The following IGF2BP2 variants were observed in gnomAD, a reference collection of about 807,000 sequenced individuals.
The protein encoded by IGF2BP2 is insulin-like growth factor 2 mRNA-binding protein 2.
Under a neutral mutation model 75.8 loss-of-function variants are expected in IGF2BP2, and 17 were observed. The observed-to-expected ratio is 0.22, with a 90% CI of 0.15 to 0.34. The LOEUF is 0.34. Ranked by LOEUF, IGF2BP2 falls within the 10% of genes least tolerant of loss-of-function variation. The probability of loss-of-function intolerance (pLI) is 1.00; values close to 1 mark genes in which losing one functional copy is unlikely to be tolerated. For missense variants in IGF2BP2, 516 were observed against 772.4 expected (o/e 0.67, Z 3.93); for synonymous variants, 288 against 295.6 (o/e 0.97, Z 0.26).
intron 12 of IGF2BP2, among the ~76,000 whole-genome samples, chr3:185,656,623 C>A (rs1432119017): frequency 6.6e-6 from 1 of 152,180 alleles, no homozygotes; most frequent in East Asian, 1.9e-4. Context: ...GCATTCTGCC[C>A]GTGAGTCAGA....
chr3:185,644,876 C>T lies in IGF2BP2; in HGVS notation c.*655G>A, dbSNP rs756577463. The T allele has an allele frequency of 1.3e-5, 2 of 152,518 alleles. No homozygotes were observed. The highest frequency in any genetic ancestry group is 2.9e-5 in the Non-Finnish European group (2 of 68,024). The allele number at this position is 152,518 out of a possible 1,614,324, so 9.4% of individuals were successfully genotyped here. A position where few individuals can be genotyped will look rare whatever the true frequency, so the allele number is the denominator to read the frequency against. Reference sequence around the variant, plus strand: ...AGAACTGCCGTGAGTGTCCTTCCGACGAGATTTCCCTCTGGGTGAATTTTG... The same window carrying T: ...AGAACTGCCGTGAGTGTCCTTCCGATGAGATTTCCCTCTGGGTGAATTTTG... On this transcript the variant is annotated 3_prime_UTR_variant, in exon 16 of 16. Coordinates refer to ENST00000382199, the MANE Select transcript of IGF2BP2 (RefSeq NM_006548.6).
rs1298111633 is a variant in IGF2BP2 at position 185,645,732 on chromosome 3, C to T, written c.1708-109G>A. On this transcript the variant is annotated intron_variant, in intron 15 of 15. Coordinates refer to ENST00000382199, the MANE Select transcript of IGF2BP2 (RefSeq NM_006548.6). This position sits in a 1 kb window ranked among gnomAD's most constrained non-coding sequence, Gnocchi z 4.9. Reference sequence around the variant, plus strand: ...GGGCTTGGGGATGAAGGGTGGAATGCTCAGACAAGCATCATCTACCCACCC... The same window carrying T: ...GGGCTTGGGGATGAAGGGTGGAATGTTCAGACAAGCATCATCTACCCACCC... The T allele has an allele frequency of 1.3e-6, 1 of 775,172 alleles. No homozygotes were observed. The highest frequency in any genetic ancestry group is 2.5e-5 in the East Asian group (1 of 39,236). The allele number at this position is 775,172 out of a possible 1,614,324, so 48.0% of individuals were successfully genotyped here. A position where few individuals can be genotyped will look rare whatever the true frequency, so the allele number is the denominator to read the frequency against.
intron 2 of IGF2BP2, among the ~76,000 whole-genome samples, chr3:185,804,910 G>A (rs945698957): frequency 2.9e-4 from 44 of 151,046 alleles, no homozygotes; most frequent in African/African-American, 7.8e-4. Context: ...GGAGAATGGC[G>A]CAAACCAGGG....
chr3:185,786,260 T>C (rs1417247998), intron 2 of IGF2BP2, among the ~76,000 whole-genome samples: 3 of 152,064 alleles, frequency 2.0e-5, no homozygotes, highest in African/African-American at 4.8e-5. Flanking sequence ...GGAGGCAACA[T>C]GGCCCCACTG....
At chr3:185,764,652 C>T (rs1336956075) in intron 2 of IGF2BP2, among the ~76,000 whole-genome samples, 1 of 152,074 alleles carries the variant, frequency 6.6e-6, no homozygotes, top group Non-Finnish European at 1.5e-5. Context: ...ACCATGATTC[C>T]CAGTGGGGAG....
chr3:185,662,295 T>A (rs1354583715), intron 10 of IGF2BP2, among the ~76,000 whole-genome samples: 1 of 151,892 alleles, frequency 6.6e-6, no homozygotes, highest in Non-Finnish European at 1.5e-5. Flanking sequence ...CTGGCCAACA[T>A]GGTGAAACCC....
intron 2 of IGF2BP2, among the ~76,000 whole-genome samples, chr3:185,794,231 G>A (rs1453750298): frequency 6.6e-6 from 1 of 151,894 alleles, no homozygotes; most frequent in African/African-American, 2.4e-5. Flanking sequence ...CTCCCAAAGT[G>A]CTAGGATTAC....
At chr3:185,812,661 C>T (rs1740058493) in intron 2 of IGF2BP2, among the ~76,000 whole-genome samples, 1 of 152,156 alleles carries the variant, frequency 6.6e-6, no homozygotes, top group African/African-American at 2.4e-5. Context: ...AAGCAGCAAA[C>T]CCCTTTTCTA....
chr3:185,809,528 C>T (rs1025252806), intron 2 of IGF2BP2, among the ~76,000 whole-genome samples: 3 of 152,002 alleles, frequency 2.0e-5, no homozygotes, highest in East Asian at 1.9e-4. Context: ...GACTCAGGAG[C>T]CTGAGGTGGG....
intron 2 of IGF2BP2, among the ~76,000 whole-genome samples, chr3:185,816,935 A>T (rs1382980820): frequency 6.6e-6 from 1 of 152,230 alleles, no homozygotes; most frequent in Non-Finnish European, 1.5e-5. Context: ...CCTTACTTTG[A>T]GACACATTAA....
intron 2 of IGF2BP2, among the ~76,000 whole-genome samples, chr3:185,786,414 G>A (rs987314970): frequency 4.6e-5 from 7 of 152,130 alleles, no homozygotes; most frequent in East Asian, 3.9e-4. Flanking sequence ...GAAAATGGCC[G>A]GTTCCTGCCT....
chr3:185,796,605 T>C (rs6444081), intron 2 of IGF2BP2, among the ~76,000 whole-genome samples: 51,549 of 132,484 alleles, frequency 0.39, 11,112 homozygotes, highest in African/African-American at 0.58. Flanking sequence ...ACAAGAACAA[T>C]TCCTGAGCTA....
intron 2 of IGF2BP2, among the ~76,000 whole-genome samples, chr3:185,818,420 A>G (rs1490286649): frequency 6.6e-6 from 1 of 152,202 alleles, no homozygotes; most frequent in Non-Finnish European, 1.5e-5. Flanking sequence ...CACTCAAGGC[A>G]AATATCACTG....
intron 2 of IGF2BP2, among the ~76,000 whole-genome samples, chr3:185,771,546 T>G (rs1343917814): frequency 6.6e-6 from 1 of 152,226 alleles, no homozygotes. Flanking sequence ...AGAAATCCAT[T>G]TTAGAAAGAC....
intron 7 of IGF2BP2, 100 bp downstream of exon 7, chr3:185,686,957 T>TA (rs1300634462): frequency 7.6e-7 from 1 of 1,323,280 alleles, no homozygotes; most frequent in African/African-American, 1.5e-5. Context: ...TGTTACTGAG[T>TA]AACAGATTTG....
chr3:185,758,672 A>G (rs1169805927), intron 2 of IGF2BP2, among the ~76,000 whole-genome samples: 1 of 152,218 alleles, frequency 6.6e-6, no homozygotes, highest in Non-Finnish European at 1.5e-5. Flanking sequence ...TTCGGGAGAG[A>G]GAAAAATAAG....
intron 13 of IGF2BP2, 137 bp from the exon 14 acceptor site, chr3:185,649,671 C>T (rs553052033): frequency 1.9e-5 from 23 of 1,199,880 alleles, no homozygotes; most frequent in South Asian, 4.5e-5. Flanking sequence ...CAGGAAGCTG[C>T]GTGCCCCAGC....
chr3:185,792,420 C>G (rs2149870949), intron 2 of IGF2BP2, among the ~76,000 whole-genome samples: 1 of 152,154 alleles, frequency 6.6e-6, no homozygotes, highest in East Asian at 1.9e-4. Flanking sequence ...GCCTGGCCAA[C>G]ATGGCGAAAC....
In IGF2BP2 at chr3:185,644,598, G is replaced by C. The variant is rs900199014; in HGVS notation, c.*933C>G. Reference sequence around the variant, plus strand: ...AGAGCACTGCTTTGCCTGGGGGGGGGGGGGTGCGTAGATACGGGATTGAGA... The same window carrying C: ...AGAGCACTGCTTTGCCTGGGGGGGGCGGGGTGCGTAGATACGGGATTGAGA... On this transcript the variant is annotated 3_prime_UTR_variant, in exon 16 of 16. Coordinates refer to ENST00000382199, the MANE Select transcript of IGF2BP2 (RefSeq NM_006548.6). 4.8e-5 allele frequency: 7 copies of C among 145,004 alleles called. 1 individual carries two copies. The highest frequency in any genetic ancestry group is 6.1e-5 in the Non-Finnish European group (4 of 65,262). The allele number at this position is 145,004 out of a possible 1,614,324, so 9.0% of individuals were successfully genotyped here.
Sources: gnomAD v4.1 joint callset for allele counts (sites outside exome capture counted in the v4.1 genomes callset) on GRCh38, gnomAD v4.1.1 for gene constraint, Gnocchi (gnomAD v3.1) non-coding constraint, MANE v1.5 for transcripts, NCBI Gene and HGNC (gene_info 2026-07-23, HGNC 2026-07-21) for gene names.